Variants in EPB41L1 observed in about 807,000 individuals in gnomAD.
EPB41L1 encodes the protein band 4.1-like protein 1.
Under a neutral mutation model 97.8 loss-of-function variants are expected in EPB41L1, and 29 were observed. The observed-to-expected ratio is 0.30, with a 90% confidence interval of 0.22 to 0.40. The LOEUF is 0.40. Among genes scored for constraint, EPB41L1 ranks in the 10% least tolerant of loss-of-function variants. EPB41L1 has a pLI of 1.00. For synonymous variants in EPB41L1, 383 were observed against 459.2 expected (o/e 0.83, Z 2.12); for missense variants, 812 against 1,162.3 (o/e 0.70, Z 4.38).
chr20:36,188,878 CAAA>C (rs536424227), intron 9 of EPB41L1, among the ~76,000 whole-genome samples: 2 of 76,974 alleles, frequency 2.6e-5, no homozygotes, highest in Non-Finnish European at 2.7e-5. Context: ...GACTCTGTCT[CAAA>C]AAAAAAAAAA....
intron 1 of EPB41L1, among the ~76,000 whole-genome samples, chr20:36,173,113 G>A (rs962966525): frequency 2.6e-5 from 4 of 152,240 alleles, no homozygotes; most frequent in Non-Finnish European, 4.4e-5. Flanking sequence ...TCTGAGAGAG[G>A]TGAAGTGACT....
At chr20:36,188,211 T>C in intron 8 of EPB41L1, 136 bp from the exon 9 acceptor site, 1 of 1,181,192 alleles carries the variant, frequency 8.5e-7, no homozygotes. Context: ...TCAGTGGGAC[T>C]CCAGCATGGA....
At chr20:36,144,558 T>C (rs1180292987) in intron 2 of EPB41L1, among the ~76,000 whole-genome samples, 2 of 152,218 alleles carry the variant, frequency 1.3e-5, no homozygotes, top group Admixed American at 1.3e-4. Flanking sequence ...TCTGTTGACA[T>C]TCTTATCCTG....
At chr20:36,199,609 G>T (rs768903442) in intron 14 of EPB41L1, among the ~76,000 whole-genome samples, 4 of 152,232 alleles carry the variant, frequency 2.6e-5, no homozygotes, top group Non-Finnish European at 5.9e-5. Context: ...TAAGGCTGGT[G>T]CTGTGGAAGA....
intron 1 of EPB41L1, among the ~76,000 whole-genome samples, chr20:36,103,950 C>A (rs534526244): frequency 1.3e-5 from 2 of 152,062 alleles, no homozygotes; most frequent in African/African-American, 4.8e-5. Flanking sequence ...ATGATCTGCC[C>A]GCCTCGGCCT....
At chr20:36,218,827 G>T in intron 17 of EPB41L1, 49 bp from the exon 18 acceptor site, 1 of 1,584,358 alleles carries the variant, frequency 6.3e-7, no homozygotes, top group Non-Finnish European at 8.7e-7. Flanking sequence ...CCCATCCTGG[G>T]GGCCCACCCG....
intron 2 of EPB41L1, among the ~76,000 whole-genome samples, chr20:36,122,134 A>G (rs2058771982): frequency 6.6e-6 from 1 of 152,064 alleles, no homozygotes; most frequent in Non-Finnish European, 1.5e-5. Flanking sequence ...GAGTGGCCAC[A>G]TTTTATCCCG....
At chr20:36,099,942 A>G (rs1045778960) in intron 1 of EPB41L1, among the ~76,000 whole-genome samples, 2 of 152,138 alleles carry the variant, frequency 1.3e-5, no homozygotes, top group East Asian at 3.9e-4. Flanking sequence ...ACCCCAAGAA[A>G]GGGGTCCCTG....
At chr20:36,130,914 T>A (rs2059178282) in intron 2 of EPB41L1, among the ~76,000 whole-genome samples, 1 of 151,692 alleles carries the variant, frequency 6.6e-6, no homozygotes, top group African/African-American at 2.4e-5. Flanking sequence ...GTTCAAGGGA[T>A]TCTCCTGTCT....
At chr20:36,146,801 G>A (rs2059852428) in intron 2 of EPB41L1, among the ~76,000 whole-genome samples, 1 of 151,614 alleles carries the variant, frequency 6.6e-6, no homozygotes, top group Non-Finnish European at 1.5e-5. Flanking sequence ...GGGGGGTTAT[G>A]AGGTCTTCAT....
In EPB41L1 at chr20:36,125,671, G is replaced by C. The variant is rs964773483; in HGVS notation, c.-10+13191G>C. On this transcript the variant is annotated intron_variant, in intron 2 of 19. Coordinates refer to the EPB41L1 transcript ENST00000202028. ...CAAGGAGGCAAGTGGAGTGGCAGGTGGGTCCAGCTCCTGCAGCCCGTGTAT... is the reference window on the plus strand; with the variant it reads ...CAAGGAGGCAAGTGGAGTGGCAGGTCGGTCCAGCTCCTGCAGCCCGTGTAT... 45 of 1,300,180 alleles carry C rather than the reference G, an allele frequency of 3.5e-5. No homozygotes were observed. In the African/African-American group the frequency reaches 6.3e-4, roughly 18 times the overall value. 80.5% of individuals were successfully genotyped at this position (1,300,180 alleles called of 1,614,324 possible). A position where few individuals can be genotyped will look rare whatever the true frequency, so the allele number is the denominator to read the frequency against.
At chr20:36,155,646 T>C in intron 1 of EPB41L1, 1 of 456,492 alleles carries the variant, frequency 2.2e-6, no homozygotes, top group South Asian at 1.5e-5. Flanking sequence ...AAGTGGTCCA[T>C]GGAGACCTTG....
At chr20:36,094,690 T>A (rs2057772640) in intron 1 of EPB41L1, among the ~76,000 whole-genome samples, 1 of 152,146 alleles carries the variant, frequency 6.6e-6, no homozygotes, top group Non-Finnish European at 1.5e-5. Flanking sequence ...TTCTTAAAAA[T>A]GTTTCCCTGC....
chr20:36,102,060 C>T (rs2058037562), intron 1 of EPB41L1, among the ~76,000 whole-genome samples: 1 of 137,346 alleles, frequency 7.3e-6, no homozygotes, highest in East Asian at 2.1e-4. Flanking sequence ...AAACCCAGCA[C>T]TCTTTTTCCA....
intron 2 of EPB41L1, among the ~76,000 whole-genome samples, chr20:36,116,864 G>A (rs1007512726): frequency 6.6e-6 from 1 of 152,216 alleles, no homozygotes; most frequent in African/African-American, 2.4e-5. Context: ...ATTGGGGGAA[G>A]AGTATGATGT....
chr20:36,175,238 G>A (rs911907234), intron 2 of EPB41L1, among the ~76,000 whole-genome samples: 2 of 152,212 alleles, frequency 1.3e-5, no homozygotes, highest in East Asian at 3.9e-4. Flanking sequence ...GCTGCTCTGG[G>A]GAGACAGGGC....
Position 36,232,134 on chromosome 20 carries a change from G to A in EPB41L1, c.*2794G>A, listed in dbSNP as rs41293100. The A allele has an allele frequency of 0.024, 3,718 of 153,246 alleles. 57 individuals carry two copies. Among genetic ancestry groups the A allele is most frequent in the Middle Eastern group, 0.041 (12 of 296 alleles). The allele number at this position is 153,246 out of a possible 1,614,324, so 9.5% of individuals were successfully genotyped here. On this transcript the variant is annotated 3_prime_UTR_variant, in exon 22 of 22. Coordinates refer to ENST00000338074, the MANE Select transcript of EPB41L1 (RefSeq NM_012156.2). ...AGTGCCACGAGGGAGGAGGGGACCT[G>A]CAAAGCTAGAATCTAGGGCACTGTT... is the stretch of plus-strand genomic sequence containing the variant.
At chr20:36,148,414 GTCT>G (rs1160389702) in intron 2 of EPB41L1, among the ~76,000 whole-genome samples, 3 of 152,156 alleles carry the variant, frequency 2.0e-5, no homozygotes, top group African/African-American at 7.2e-5. Context: ...TGGGAAGAGG[GTCT>G]CCCAGGCAGA....
At chr20:36,128,585 C>T (rs1267511500) in intron 2 of EPB41L1, among the ~76,000 whole-genome samples, 3 of 152,112 alleles carry the variant, frequency 2.0e-5, no homozygotes, top group South Asian at 2.1e-4. Context: ...TGGTACTGGC[C>T]CTGCCTTGGC....
Sources: allele counts gnomAD v4.1 joint callset (sites outside exome capture counted in the v4.1 genomes callset), GRCh38; gene constraint gnomAD v4.1.1; transcripts MANE v1.5; gene names NCBI Gene and HGNC (gene_info 2026-07-23, HGNC 2026-07-21).